Variants in GTF2IRD1 observed in about 807,000 individuals in gnomAD.
GTF2IRD1 encodes general transcription factor II-I repeat domain-containing protein 1.
In GTF2IRD1, 26 loss-of-function variants were observed where a neutral mutation model predicts 113.2. That is an observed-to-expected ratio of 0.23 (90% CI 0.17 to 0.32). GTF2IRD1 has a LOEUF of 0.32. Among genes scored for constraint, GTF2IRD1 ranks in the 10% least tolerant of loss-of-function variants. GTF2IRD1 has a pLI of 1.00. For missense variants in GTF2IRD1, 864 were observed against 1,280.8 expected, an observed-to-expected ratio of 0.67 and a Z score of 4.97; for synonymous variants, 484 against 529.1, an observed-to-expected ratio of 0.91 and a Z score of 1.17.
In GTF2IRD1 at chr7:74,538,599, A is replaced by T. The variant is rs587698062; in HGVS notation, c.1448-81A>T. 5.7e-6 allele frequency: 5 copies of T among 871,592 alleles called. No homozygotes were observed. The East Asian group carries it at 1.2e-4, about 21-fold the overall frequency. The allele number at this position is 871,592 out of a possible 1,614,324, so 54.0% of individuals were successfully genotyped here. A position where few individuals can be genotyped will look rare whatever the true frequency, so the allele number is the denominator to read the frequency against. On this transcript the variant is annotated intron_variant, in intron 12 of 26. Transcript: ENST00000424337. ...AGGGCCTCACTAACAAGTTACAGAC[A>T]CCAGAATGTTCTGGAAAGAGTCACT...
chr7:74,553,982 A>G (rs1431010188), intron 17 of GTF2IRD1, among the ~76,000 whole-genome samples: 1 of 152,110 alleles, frequency 6.6e-6, no homozygotes, highest in Non-Finnish European at 1.5e-5. Context: ...GGCACTGTAC[A>G]GAAGCCTAAG....
At chr7:74,455,317 C>T (rs558756002) in intron 1 of GTF2IRD1, among the ~76,000 whole-genome samples, 17 of 152,322 alleles carry the variant, frequency 1.1e-4, no homozygotes, top group African/African-American at 3.6e-4. Flanking sequence ...GAGAAGTGGG[C>T]ATTTGCTGGG....
chr7:74,575,566 G>A (rs1266078313), intron 22 of GTF2IRD1, among the ~76,000 whole-genome samples: 7 of 152,370 alleles, frequency 4.6e-5, no homozygotes, highest in African/African-American at 1.7e-4. Flanking sequence ...GGCGACGCCT[G>A]TGGCGGCAGT....
At chr7:74,537,905 G>A (rs1798394622) in intron 11 of GTF2IRD1, among the ~76,000 whole-genome samples, 1 of 152,258 alleles carries the variant, frequency 6.6e-6, no homozygotes, top group African/African-American at 2.4e-5. Flanking sequence ...GAGTGAGCAG[G>A]TGCCTGGCTC....
chr7:74,568,078 C>A (rs1216388305), intron 22 of GTF2IRD1, among the ~76,000 whole-genome samples: 1 of 150,926 alleles, frequency 6.6e-6, no homozygotes, highest in African/African-American at 2.5e-5. Flanking sequence ...TGACCCACCA[C>A]ACCCAGCCAA....
intron 8 of GTF2IRD1, among the ~76,000 whole-genome samples, chr7:74,529,131 AAG>A (rs1554348041): frequency 6.6e-6 from 1 of 152,098 alleles, no homozygotes; most frequent in Non-Finnish European, 1.5e-5. Context: ...GGGAAGCACC[AAG>A]GGGGCGGCAG....
In GTF2IRD1 at chr7:74,576,617, CTTTTTTTTTTTTTTT is replaced by C. The variant is rs1165378230; in HGVS notation, c.2321-13216_2321-13202del. ...TCTAGGGGAAAATCTATTTCCTTGT[CTTTTTTTTTTTTTTT>C]TTTTTTTTTTTTTTTTTGAGACAGA... On this transcript the variant is annotated intron_variant, in intron 22 of 26. Transcript: ENST00000424337. Among the ~76,000 whole-genome samples, 8 of 49,364 alleles carry C rather than the reference CTTTTTTTTTTTTTTT, an allele frequency of 1.6e-4. 1 individual carries two copies. The East Asian group carries it at 4.2e-3, about 26-fold the overall frequency. 32.4% of individuals were successfully genotyped at this position (49,364 alleles called of 152,430 possible).
chr7:74,456,290 G>A (rs564692393), intron 1 of GTF2IRD1, among the ~76,000 whole-genome samples: 2 of 152,292 alleles, frequency 1.3e-5, no homozygotes, highest in African/African-American at 2.4e-5. Flanking sequence ...GGACATTCAC[G>A]TCCTAAGCAT....
At chr7:74,557,086 CAAAA>C (rs1312952571) in intron 19 of GTF2IRD1, among the ~76,000 whole-genome samples, 9 of 151,718 alleles carry the variant, frequency 5.9e-5, no homozygotes, top group African/African-American at 1.7e-4. Flanking sequence ...ACCAAAAACA[CAAAA>C]AAGAAATTAG....
intron 17 of GTF2IRD1, among the ~76,000 whole-genome samples, chr7:74,552,210 C>A (rs1554355233): frequency 6.6e-6 from 1 of 151,998 alleles, no homozygotes; most frequent in Non-Finnish European, 1.5e-5. Flanking sequence ...CATGGTGAGA[C>A]CCTATCTCTA....
chr7:74,512,709 C>T lies in GTF2IRD1; in HGVS notation c.124-121C>T, dbSNP rs1796708243. On this transcript the variant is annotated intron_variant, in intron 2 of 26. Transcript: ENST00000424337. The surrounding 1 kb of genome is among the most constrained non-coding windows in gnomAD (Gnocchi z 4.4). Reference sequence around the variant, plus strand: ...CAAGAACAGTAGAGGGGCCGTCTGTCCCTGGAGCTGCTGCTGGGGTCTCAG... The same window carrying T: ...CAAGAACAGTAGAGGGGCCGTCTGTTCCTGGAGCTGCTGCTGGGGTCTCAG... The T allele has an allele frequency of 2.3e-6, 2 of 852,550 alleles. No individual in the cohort carries two copies. The highest frequency in any genetic ancestry group is 3.7e-6 in the Non-Finnish European group (2 of 545,040). 52.8% of individuals were successfully genotyped at this position (852,550 alleles called of 1,614,324 possible).
At chr7:74,566,923 AG>A (rs1195282700) in intron 22 of GTF2IRD1, among the ~76,000 whole-genome samples, 1 of 152,190 alleles carries the variant, frequency 6.6e-6, no homozygotes, top group Non-Finnish European at 1.5e-5. Context: ...TCATCCACAC[AG>A]GGTGGCTCTT....
At chr7:74,591,604 T>C (rs1328467019) in intron 24 of GTF2IRD1, among the ~76,000 whole-genome samples, 1 of 152,156 alleles carries the variant, frequency 6.6e-6, no homozygotes, top group Admixed American at 6.6e-5. Flanking sequence ...GGTCTCGAAC[T>C]CCTGACCTGA....
intron 1 of GTF2IRD1, among the ~76,000 whole-genome samples, chr7:74,467,535 C>G (rs1435955114): frequency 6.6e-6 from 1 of 152,102 alleles, no homozygotes; most frequent in Non-Finnish European, 1.5e-5. Flanking sequence ...GAGTCTTGCT[C>G]TGTCGCCCAG....
chr7:74,557,487 T>G (rs868993279), intron 19 of GTF2IRD1, 152 bp from the exon 20 acceptor site: 7 of 594,922 alleles, frequency 1.2e-5, no homozygotes, highest in Middle Eastern at 8.7e-4. Context: ...TCCATCAACA[T>G]GTCGGTGCTG....
intron 1 of GTF2IRD1, among the ~76,000 whole-genome samples, chr7:74,466,676 T>C (rs1267823680): frequency 6.6e-6 from 1 of 152,076 alleles, no homozygotes; most frequent in Non-Finnish European, 1.5e-5. Context: ...CATCTCCCTC[T>C]CCAGGTCACG....
intron 1 of GTF2IRD1, among the ~76,000 whole-genome samples, chr7:74,485,343 T>C (rs1584496115): frequency 1.3e-5 from 2 of 151,912 alleles, no homozygotes; most frequent in African/African-American, 4.8e-5. Flanking sequence ...GCTGGCTGGG[T>C]GCGGTGGCTC....
intron 24 of GTF2IRD1, 132 bp from the exon 25 acceptor site, chr7:74,594,882 G>GT (rs1562901670): frequency 1.9e-6 from 1 of 527,010 alleles, no homozygotes; most frequent in Non-Finnish European, 3.5e-6. Context: ...AACCCAGGAG[G>GT]TGGAGGCTGC....
intron 1 of GTF2IRD1, among the ~76,000 whole-genome samples, chr7:74,504,999 C>T (rs560674840): frequency 6.6e-5 from 10 of 151,944 alleles, no homozygotes; most frequent in Non-Finnish European, 1.2e-4. Context: ...TGAGCCACTG[C>T]GCCTGGCCCT....
Sources: allele counts gnomAD v4.1 joint callset (sites outside exome capture counted in the v4.1 genomes callset), GRCh38; gene constraint gnomAD v4.1.1; non-coding constraint Gnocchi (gnomAD v3.1); transcripts MANE v1.5; gene names NCBI Gene and HGNC (gene_info 2026-07-23, HGNC 2026-07-21).